Variants in FER observed in about 807,000 individuals in gnomAD.
The protein encoded by FER is FER tyrosine kinase, also known as tyrosine-protein kinase Fer.
A neutral mutation model predicts 111.0 loss-of-function variants in FER; 63 were observed. That is an observed-to-expected ratio of 0.57 (90% confidence interval 0.46 to 0.70). The LOEUF is 0.70. Among genes scored for constraint, FER ranks in the 30% least tolerant of loss-of-function variants. The pLI, the probability that FER is intolerant of heterozygous loss-of-function variation, is 0.00. For synonymous variants in FER, 327 were observed against 313.9 expected, an observed-to-expected ratio of 1.04 and a Z score of -0.44; for missense variants, 914 against 954.0, an observed-to-expected ratio of 0.96 and a Z score of 0.55.
chr5:108,796,724 A>G (rs1426191866), intron 2 of FER, among the ~76,000 whole-genome samples: 3 of 151,998 alleles, frequency 2.0e-5, no homozygotes. Flanking sequence ...TCCTTCAGTC[A>G]GATTGTGGTG....
intron 5 of FER, among the ~76,000 whole-genome samples, chr5:108,844,083 TGC>T (rs1437942307): frequency 7.1e-6 from 1 of 140,066 alleles, no homozygotes; most frequent in African/African-American, 2.9e-5. Flanking sequence ...TGAACATATA[TGC>T]GTGTGAACAT....
chr5:108,986,231 A>G (rs1762558997), intron 13 of FER, among the ~76,000 whole-genome samples: 2 of 150,558 alleles, frequency 1.3e-5, no homozygotes, highest in Non-Finnish European at 3.0e-5. Context: ...CTAATTGTAT[A>G]TCTTCTGTTG....
At chr5:109,150,426 C>G (rs1043428501) in intron 17 of FER, among the ~76,000 whole-genome samples, 3 of 152,146 alleles carry the variant, frequency 2.0e-5, no homozygotes, top group East Asian at 3.9e-4. Flanking sequence ...CCCCATTTCT[C>G]TACCAAAAAT....
Position 109,187,692 on chromosome 5 carries a change from T to A in FER, c.*117T>A. On this transcript the variant is annotated 3_prime_UTR_variant, in exon 20 of 20. Coordinates refer to ENST00000281092, the MANE Select transcript of FER (RefSeq NM_005246.4). Reference sequence around the variant, plus strand: ...ACCTTCGACAGTCTTCTACCATTATTTTTTATTAACTGGGTGTTTTAAAAG... The same window carrying A: ...ACCTTCGACAGTCTTCTACCATTATATTTTATTAACTGGGTGTTTTAAAAG... 2 of 1,275,116 alleles carry A rather than the reference T, an allele frequency of 1.6e-6. No homozygotes were observed. Among genetic ancestry groups the A allele is most frequent in the Non-Finnish European group, 2.2e-6 (2 of 929,524 alleles). 79.0% of individuals were successfully genotyped at this position (1,275,116 alleles called of 1,614,324 possible).
chr5:109,141,689 A>C (rs1753538437), intron 17 of FER, among the ~76,000 whole-genome samples: 1 of 152,186 alleles, frequency 6.6e-6, no homozygotes, highest in African/African-American at 2.4e-5. Flanking sequence ...GCAGGCTCTG[A>C]AAGCTACTTC....
chr5:108,759,301 A>G (rs969376101), intron 1 of FER, among the ~76,000 whole-genome samples: 3 of 152,174 alleles, frequency 2.0e-5, no homozygotes, highest in Non-Finnish European at 4.4e-5. Context: ...CCAGTTTCCA[A>G]TACTTTGTTC....
At chr5:109,173,142 T>G (rs1217480887) in intron 17 of FER, among the ~76,000 whole-genome samples, 3 of 152,204 alleles carry the variant, frequency 2.0e-5, no homozygotes, top group Admixed American at 6.5e-5. Context: ...TACAGGGAAC[T>G]CACCCAAGGA....
intron 14 of FER, among the ~76,000 whole-genome samples, chr5:109,040,350 AG>A (rs982512921): frequency 1.3e-5 from 2 of 152,136 alleles, no homozygotes; most frequent in African/African-American, 4.8e-5. Context: ...GAACATTAAG[AG>A]GTGGAGATAA....
At chr5:108,751,478 C>CA (rs1241817306) in intron 1 of FER, among the ~76,000 whole-genome samples, 4 of 152,086 alleles carry the variant, frequency 2.6e-5, no homozygotes, top group East Asian at 1.9e-4. Flanking sequence ...ACTTGTTATA[C>CA]AAAAAAACGT....
At chr5:108,943,308 T>C (rs1756527825) in intron 10 of FER, among the ~76,000 whole-genome samples, 1 of 152,184 alleles carries the variant, frequency 6.6e-6, no homozygotes, top group African/African-American at 2.4e-5. Context: ...AGCCAGTGCC[T>C]TTCTTTTTTC....
intron 13 of FER, among the ~76,000 whole-genome samples, chr5:108,986,503 G>C (rs755489666): frequency 3.3e-5 from 5 of 151,960 alleles, no homozygotes; most frequent in Non-Finnish European, 5.9e-5. Context: ...TGGGTTCTTG[G>C]TTATGAAGTC....
chr5:109,116,978 G>A (rs1049750568), intron 17 of FER, among the ~76,000 whole-genome samples: 2 of 152,092 alleles, frequency 1.3e-5, no homozygotes, highest in African/African-American at 2.4e-5. Context: ...TCTGTCATAT[G>A]TGTCAGAATT....
chr5:109,010,175 C>CTT (rs34383386), intron 13 of FER, among the ~76,000 whole-genome samples: 11 of 151,848 alleles, frequency 7.2e-5, no homozygotes, highest in South Asian at 2.1e-4. Flanking sequence ...TTTTATCCTT[C>CTT]TTTTTTTTGA....
At chr5:108,936,803 T>G (rs1211491601) in intron 10 of FER, among the ~76,000 whole-genome samples, 6 of 152,048 alleles carry the variant, frequency 3.9e-5, no homozygotes, top group African/African-American at 1.4e-4. Context: ...TATTTATAAG[T>G]ACAGCAAACT....
chr5:108,821,538 CCTTTTT>C (rs1561467973), intron 3 of FER, among the ~76,000 whole-genome samples: 2 of 152,036 alleles, frequency 1.3e-5, no homozygotes, highest in African/African-American at 4.8e-5. Flanking sequence ...GGTAGTCTTG[CCTTTTT>C]CATGCTTCTT....
chr5:109,048,644 A>G (rs1772323342), intron 16 of FER, among the ~76,000 whole-genome samples: 1 of 152,210 alleles, frequency 6.6e-6, no homozygotes, highest in Non-Finnish European at 1.5e-5. Context: ...TAAGAATAAT[A>G]AACTTCATTA....
Position 108,871,426 on chromosome 5 carries a change from G to A in FER, c.727G>A (p.Val243Ile), listed in dbSNP as rs1370441389. 2 of 1,609,750 alleles carry A rather than the reference G, an allele frequency of 1.2e-6. No individual in the cohort carries two copies. Among genetic ancestry groups the A allele is most frequent in the South Asian group, 2.2e-5 (2 of 90,924 alleles). Reference protein sequence around the residue: ...TSLVTEEIVNVHKEIQMSVEQ... With the variant: ...TSLVTEEIVNIHKEIQMSVEQ... Reference sequence around the variant, plus strand: ...TCTTGTCACAGAGGAAATAGTGAATGTCCATAAAGAGATTCAAATGTCGGT... The same window carrying A: ...TCTTGTCACAGAGGAAATAGTGAATATCCATAAAGAGATTCAAATGTCGGT... The change falls in exon 7 of 20, where the codon GTC becomes ATC. Residue 243 changes from valine to isoleucine, a missense_variant. Physicochemically the swap from Val to Ile is conservative, Grantham distance 29. This residue lies in a region of FER where 774 missense variants were observed against 782.6 expected (regional missense o/e 0.99). Coordinates refer to ENST00000281092, the MANE Select transcript of FER (RefSeq NM_005246.4).
At chr5:109,130,568 G>C (rs1752251021) in intron 17 of FER, among the ~76,000 whole-genome samples, 1 of 151,580 alleles carries the variant, frequency 6.6e-6, no homozygotes, top group Non-Finnish European at 1.5e-5. Flanking sequence ...ACTCAATACA[G>C]ATACATGAAA....
chr5:108,752,828 T>C (rs1302653354), intron 1 of FER, among the ~76,000 whole-genome samples: 1 of 152,116 alleles, frequency 6.6e-6, no homozygotes, highest in Non-Finnish European at 1.5e-5. Context: ...TTACTAATTT[T>C]TATTCATCAT....
Sources: allele counts gnomAD v4.1 joint callset (sites outside exome capture counted in the v4.1 genomes callset), GRCh38; gene constraint gnomAD v4.1.1; regional missense constraint gnomAD v4.1.1; transcripts MANE v1.5; gene names NCBI Gene and HGNC (gene_info 2026-07-23, HGNC 2026-07-21).